Variants in TENM1 observed in about 807,000 individuals in gnomAD.
TENM1 encodes teneurin transmembrane protein 1, also known as teneurin-1.
In TENM1, 35 loss-of-function variants were observed where a neutral mutation model predicts 174.8. The ratio of observed to expected loss-of-function variants is 0.20; its 90% CI spans 0.15 to 0.27. TENM1 has a LOEUF of 0.27. Among genes scored for constraint, TENM1 ranks in the 10% least tolerant of loss-of-function variants. TENM1 has a pLI of 1.00. For missense variants in TENM1, 1,633 were observed against 2,130.1 expected (o/e 0.77, Z 4.59); for synonymous variants, 781 against 798.7 (o/e 0.98, Z 0.37).
chrX:124,885,022 T>G (rs1260461079), intron 3 of TENM1, among the ~76,000 whole-genome samples: 4 of 111,537 alleles, frequency 3.6e-5, no homozygotes, highest in Non-Finnish European at 5.7e-5. Context: ...TATAACACAA[T>G]GCTAAGTATT....
exon 32 of TENM1, chrX:124,376,959 T>C (rs942054791): frequency 4.5e-5 from 5 of 110,035 alleles, no homozygotes; most frequent in African/African-American, 1.7e-4. Context: ...TATGCTCCAA[T>C]GTCTCCAAAA....
intron 10 of TENM1, among the ~76,000 whole-genome samples, chrX:124,643,020 C>A (rs1184367700): frequency 9.0e-6 from 1 of 111,130 alleles, no homozygotes; most frequent in African/African-American, 3.3e-5. Context: ...GGTGTTATTG[C>A]CACTATAATT....
chrX:125,055,287 T>G, the TENM1 span, among the ~76,000 whole-genome samples: 1 of 111,639 alleles, frequency 9.0e-6, no homozygotes, highest in East Asian at 2.8e-4. Flanking sequence ...CACCACGTCT[T>G]GCGGCTACTA....
At chrX:124,392,753 A>G (rs1368035662) in intron 27 of TENM1, among the ~76,000 whole-genome samples, 1 of 112,083 alleles carries the variant, frequency 8.9e-6, no homozygotes, top group Non-Finnish European at 1.9e-5. Context: ...TATTTGTGTG[A>G]TTAGAAATCA....
In TENM1 at chrX:124,953,355, C is replaced by G. The variant is rs997418317; in HGVS notation, c.217+10182G>C. On this transcript the variant is annotated intron_variant, in intron 1 of 31. Transcript: ENST00000422452. ...GTCATCTACTGAATCAAATCCATGT[C>G]TTTTCACTTCACTCTTTAGGTTTAG... Among the ~76,000 whole-genome samples, 3 of 111,756 alleles carry G rather than the reference C, an allele frequency of 2.7e-5. No homozygotes were observed. In the East Asian group the frequency reaches 8.4e-4, roughly 31 times the overall value.
the TENM1 span, among the ~76,000 whole-genome samples, chrX:125,099,039 T>A: frequency 8.9e-6 from 1 of 112,260 alleles, no homozygotes; most frequent in African/African-American, 3.2e-5. Context: ...CAGGCCAGAA[T>A]CAATATTAAA....
chrX:124,750,291 T>C (rs1282535429), intron 3 of TENM1, among the ~76,000 whole-genome samples: 3 of 111,794 alleles, frequency 2.7e-5, no homozygotes, highest in Non-Finnish European at 5.6e-5. Flanking sequence ...AGACTATGGC[T>C]GTGGGTATTC....
chrX:124,571,286 A>C (rs189057027), intron 11 of TENM1, among the ~76,000 whole-genome samples: 1 of 112,674 alleles, frequency 8.9e-6, no homozygotes, highest in African/African-American at 3.2e-5. Context: ...CATTGGAATT[A>C]GAAATTGAGT....
At chrX:125,117,434 A>G in the TENM1 span, among the ~76,000 whole-genome samples, 58 of 111,757 alleles carry the variant, frequency 5.2e-4, no homozygotes, top group Admixed American at 5.1e-3. Context: ...CATCATTCTC[A>G]GCAAACTAAC....
chrX:124,623,118 T>C (rs1447706317), intron 11 of TENM1, among the ~76,000 whole-genome samples: 1 of 112,125 alleles, frequency 8.9e-6, no homozygotes, highest in Non-Finnish European at 1.9e-5. Context: ...AAACCCATTG[T>C]GTGTATGTGT....
At chrX:124,819,102 T>TA (rs1308916554) in intron 3 of TENM1, among the ~76,000 whole-genome samples, 2 of 111,946 alleles carry the variant, frequency 1.8e-5, no homozygotes, top group African/African-American at 6.5e-5. Flanking sequence ...AACAAAGATT[T>TA]AAAAGTTCAA....
rs1280180966 is a variant in TENM1 at position 124,752,973 on chromosome X, C to T, written c.536-15776G>A. Among the ~76,000 whole-genome samples, 65 of 110,809 alleles carry T rather than the reference C, an allele frequency of 5.9e-4. 1 individual carries two copies. The highest frequency in any genetic ancestry group is 6.0e-4 in the Non-Finnish European group (32 of 52,976). ...TTGGCTTAGGATTGACTTGGCGATG[C>T]GGGCTCTTTTTTGGTTCCATATGAA... On this transcript the variant is annotated intron_variant, in intron 3 of 31. Coordinates refer to ENST00000422452, the Ensembl canonical transcript of TENM1.
At chrX:125,004,292 G>T in the TENM1 span, among the ~76,000 whole-genome samples, 1 of 111,798 alleles carries the variant, frequency 8.9e-6, no homozygotes, top group Admixed American at 9.5e-5. Context: ...AAGTAATGTT[G>T]TTGCTATGGG....
chrX:124,422,684 C>T lies in TENM1; in HGVS notation c.4105-46G>A, dbSNP rs112906966. The T allele has an allele frequency of 5.2e-6, 6 of 1,149,457 alleles. No individual in the cohort carries two copies. The African/African-American group carries it at 5.4e-5, about 10-fold the overall frequency. 94.7% of individuals were successfully genotyped at this position (1,149,457 alleles called of 1,213,427 possible). On this transcript the variant is annotated intron_variant, in intron 23 of 31. Transcript: ENST00000422452. ...ATACCATTAGGTTACCATGTCTTTCCATGGACAGTTTTAACTTGAAAAAAA... is the reference window on the plus strand; with the variant it reads ...ATACCATTAGGTTACCATGTCTTTCTATGGACAGTTTTAACTTGAAAAAAA...
intron 3 of TENM1, among the ~76,000 whole-genome samples, chrX:124,782,758 A>G (rs2054943391): frequency 1.8e-5 from 2 of 111,288 alleles, no homozygotes; most frequent in African/African-American, 6.5e-5. Context: ...CACCTTGAAG[A>G]CCGATATTGC....
chrX:124,437,598 C>G (rs2060857810), intron 23 of TENM1, among the ~76,000 whole-genome samples: 1 of 111,671 alleles, frequency 9.0e-6, no homozygotes, highest in Non-Finnish European at 1.9e-5. Flanking sequence ...AATTCTGTAC[C>G]AAATGGTTCA....
the TENM1 span, among the ~76,000 whole-genome samples, chrX:125,077,829 G>A: frequency 9.6e-4 from 107 of 111,836 alleles, no homozygotes; most frequent in African/African-American, 3.2e-3. Flanking sequence ...GCTTATTATA[G>A]TACATCTGGA....
intron 5 of TENM1, among the ~76,000 whole-genome samples, chrX:124,704,115 A>G (rs954686071): frequency 8.9e-6 from 1 of 112,445 alleles, no homozygotes; most frequent in African/African-American, 3.2e-5. Flanking sequence ...GTCTCTTTTT[A>G]TCTGCCACTC....
At chrX:124,586,238 A>G (rs779485408) in intron 11 of TENM1, among the ~76,000 whole-genome samples, 61 of 111,376 alleles carry the variant, frequency 5.5e-4, no homozygotes, top group African/African-American at 1.8e-3. Context: ...CAACAGAAAA[A>G]GAGAATTTTA....
Sources: allele counts gnomAD v4.1 joint callset (sites outside exome capture counted in the v4.1 genomes callset), GRCh38; gene constraint gnomAD v4.1.1; transcripts MANE v1.5; gene names NCBI Gene and HGNC (gene_info 2026-07-23, HGNC 2026-07-21).